Variants in ADAMTS18 observed in about 807,000 individuals in gnomAD.
ADAMTS18 encodes the protein A disintegrin and metalloproteinase with thrombospondin motifs 18.
A neutral mutation model predicts 165.9 loss-of-function variants in ADAMTS18; 157 were observed. The ratio of observed to expected loss-of-function variants is 0.95; its 90% CI spans 0.83 to 1.08. ADAMTS18 has a LOEUF of 1.08. ADAMTS18 is among the 50% of genes least tolerant of loss of function. The pLI is 0.00. For missense variants in ADAMTS18, 2,040 were observed against 1,534.0 expected, an observed-to-expected ratio of 1.33 and a Z score of -5.51; for synonymous variants, 782 against 578.2, an observed-to-expected ratio of 1.35 and a Z score of -5.06.
At chr16:77,432,686 C>T (rs558392399) in intron 2 of ADAMTS18, among the ~76,000 whole-genome samples, 1 of 152,078 alleles carries the variant, frequency 6.6e-6, no homozygotes, top group African/African-American at 2.4e-5. Context: ...GTTTGAGTCA[C>T]TTGGGTCCCC....
intron 10 of ADAMTS18, among the ~76,000 whole-genome samples, chr16:77,348,833 T>C (rs1217114930): frequency 1.3e-5 from 2 of 152,124 alleles, no homozygotes; most frequent in African/African-American, 4.8e-5. Context: ...TAAATCTCCC[T>C]GAGGAAATAA....
At chr16:77,356,306 A>G (rs1325466483) in intron 8 of ADAMTS18, among the ~76,000 whole-genome samples, 3 of 152,216 alleles carry the variant, frequency 2.0e-5, no homozygotes, top group African/African-American at 7.2e-5. Flanking sequence ...ACAGAATCAA[A>G]GAATGGTCTA....
chr16:77,397,633 C>T (rs548726193), intron 3 of ADAMTS18, among the ~76,000 whole-genome samples: 3 of 152,068 alleles, frequency 2.0e-5, no homozygotes, highest in East Asian at 1.9e-4. Flanking sequence ...AGGATTTATA[C>T]AAAAAAAGAG....
chr16:77,290,992 A>C, intron 21 of ADAMTS18: 1 of 407,208 alleles, frequency 2.5e-6, no homozygotes, highest in Non-Finnish European at 4.5e-6. Flanking sequence ...AGCAGTGTAT[A>C]ACTGGCCTGG....
At chr16:77,432,878 A>C (rs932017033) in intron 2 of ADAMTS18, among the ~76,000 whole-genome samples, 8 of 152,038 alleles carry the variant, frequency 5.3e-5, no homozygotes, top group African/African-American at 1.9e-4. Flanking sequence ...AATAGACAAT[A>C]ATTTTCTTCT....
chr16:77,353,387 A>G (rs1597158923), intron 10 of ADAMTS18, among the ~76,000 whole-genome samples: 2 of 152,228 alleles, frequency 1.3e-5, no homozygotes, highest in East Asian at 3.9e-4. Flanking sequence ...ATGATTTGAA[A>G]CGAATTAAAT....
chr16:77,333,396 A>C (rs1028303895), intron 12 of ADAMTS18, among the ~76,000 whole-genome samples: 4 of 152,018 alleles, frequency 2.6e-5, no homozygotes, highest in African/African-American at 9.7e-5. Context: ...TAGGTGCAGC[A>C]AACCACCATG....
Position 77,363,832 on chromosome 16 carries a change from C to T in ADAMTS18, c.1026G>A (p.Val342=), listed in dbSNP as rs2144735679. The change falls in exon 6 of 23, where the codon GTG becomes GTA. Residue 342 remains valine (V), a synonymous_variant. Coordinates refer to ENST00000282849, the MANE Select transcript of ADAMTS18 (RefSeq NM_199355.4). ...CTTGTTCCAGAAGAATTAGGCTCAC[C>T]ACAACCACGTTTATGTCACTTCCAA... ...GTIGSDINVV[V]VSLILLEQEP... 2.5e-6 allele frequency: 4 copies of T among 1,613,970 alleles called. No homozygotes were observed. Among genetic ancestry groups the T allele is most frequent in the South Asian group, 2.2e-5 (2 of 91,084 alleles).
At chr16:77,294,442 TCTCTGTCCCTTCTAA>T (rs1012232414) in intron 19 of ADAMTS18, among the ~76,000 whole-genome samples, 1 of 152,176 alleles carries the variant, frequency 6.6e-6, no homozygotes, top group Non-Finnish European at 1.5e-5. Flanking sequence ...ACAAGGTAGC[TCTCTGTCCCTTCTAA>T]CTTTAAAATT....
intron 3 of ADAMTS18, among the ~76,000 whole-genome samples, chr16:77,398,824 G>A (rs748278979): frequency 1.3e-5 from 2 of 152,144 alleles, no homozygotes; most frequent in Non-Finnish European, 2.9e-5. Flanking sequence ...GAAAACAGAT[G>A]AAACTGTGTT....
chr16:77,412,724 A>G (rs944190903), intron 3 of ADAMTS18, among the ~76,000 whole-genome samples: 2 of 152,174 alleles, frequency 1.3e-5, no homozygotes, highest in Admixed American at 6.5e-5. Flanking sequence ...TTATGAAACC[A>G]TCAGATCACA....
chr16:77,422,255 GCCCCA>G (rs1347341405), intron 3 of ADAMTS18, among the ~76,000 whole-genome samples: 2 of 152,066 alleles, frequency 1.3e-5, no homozygotes, highest in Non-Finnish European at 2.9e-5. Flanking sequence ...AAAGCTCTCA[GCCCCA>G]CATACTTCTT....
At chr16:77,343,906 C>T (rs964760127) in intron 10 of ADAMTS18, among the ~76,000 whole-genome samples, 1 of 151,824 alleles carries the variant, frequency 6.6e-6, no homozygotes, top group Non-Finnish European at 1.5e-5. Flanking sequence ...ATATAAGCAA[C>T]CAGAGAGGAG....
intron 3 of ADAMTS18, among the ~76,000 whole-genome samples, chr16:77,407,149 T>A (rs1011262299): frequency 6.6e-6 from 1 of 151,988 alleles, no homozygotes; most frequent in Admixed American, 6.6e-5. Flanking sequence ...TAAGTGAGAG[T>A]GTTCTTAATA....
At chr16:77,313,379 C>CATGTAT (rs2055820167) in intron 16 of ADAMTS18, among the ~76,000 whole-genome samples, 2 of 151,502 alleles carry the variant, frequency 1.3e-5, no homozygotes, top group Non-Finnish European at 2.9e-5. Context: ...ACCAACATGG[C>CATGTAT]ACATGTATAC....
intron 4 of ADAMTS18, among the ~76,000 whole-genome samples, chr16:77,364,669 G>A (rs1252118367): frequency 6.7e-6 from 1 of 148,382 alleles, no homozygotes; most frequent in African/African-American, 2.5e-5. Flanking sequence ...AAATGGGTAG[G>A]TGGGTAGAAA....
intron 11 of ADAMTS18, among the ~76,000 whole-genome samples, chr16:77,338,453 T>A (rs767137733): frequency 7.5e-5 from 11 of 147,304 alleles, no homozygotes; most frequent in Non-Finnish European, 1.5e-4. Flanking sequence ...ACCAGTGTAG[T>A]CTCGAACTCC....
At chr16:77,423,394 T>C (rs2057629326) in intron 3 of ADAMTS18, among the ~76,000 whole-genome samples, 1 of 152,200 alleles carries the variant, frequency 6.6e-6, no homozygotes, top group Admixed American at 6.5e-5. Flanking sequence ...ATTAGTACTA[T>C]ATCATTATCA....
At chr16:77,409,456 A>T (rs1348681268) in intron 3 of ADAMTS18, among the ~76,000 whole-genome samples, 1 of 152,206 alleles carries the variant, frequency 6.6e-6, no homozygotes. Context: ...GAATAACAAA[A>T]AACTGTTCTC....
Sources: allele counts gnomAD v4.1 joint callset (sites outside exome capture counted in the v4.1 genomes callset), GRCh38; gene constraint gnomAD v4.1.1; transcripts MANE v1.5; gene names NCBI Gene and HGNC (gene_info 2026-07-23, HGNC 2026-07-21).